The following NAV1 variants were observed in gnomAD, a reference collection of about 807,000 sequenced individuals.
NAV1 encodes the protein neuron navigator 1.
In NAV1, 18 loss-of-function variants were observed where a neutral mutation model predicts 175.2. The ratio of observed to expected loss-of-function variants is 0.10; its 90% CI spans 0.07 to 0.15. The LOEUF is 0.15. NAV1 is among the 10% of genes least tolerant of loss of function. The pLI is 1.00. For missense variants in NAV1, 1,731 were observed against 2,436.6 expected (o/e 0.71, Z 6.10); for synonymous variants, 897 against 978.7 (o/e 0.92, Z 1.56).
At chr1:201,642,547 TTC>T (rs1462290258) in intron 2 of NAV1, among the ~76,000 whole-genome samples, 22 of 110,142 alleles carry the variant, frequency 2.0e-4, no homozygotes, top group African/African-American at 8.7e-4. Context: ...CTTTCTTTCT[TTC>T]TTTCTTTTTT....
chr1:201,557,053 G>A (rs555765534), intron 1 of NAV1, among the ~76,000 whole-genome samples: 1 of 152,130 alleles, frequency 6.6e-6, no homozygotes, highest in Non-Finnish European at 1.5e-5. Context: ...GGAGGGGGCT[G>A]AGATGAAAAT....
intron 13 of NAV1, 154 bp from the exon 18 acceptor site, chr1:201,793,638 C>T (rs1558172501): frequency 1.5e-6 from 1 of 651,744 alleles, no homozygotes; most frequent in South Asian, 2.0e-5. Flanking sequence ...TTTGTCTGCT[C>T]AGGAAAATCA....
chr1:201,561,147 G>A (rs1202949678), intron 1 of NAV1, among the ~76,000 whole-genome samples: 2 of 152,234 alleles, frequency 1.3e-5, no homozygotes, highest in Non-Finnish European at 2.9e-5. Context: ...CTTGCTAGTG[G>A]AGGATGGGAG....
chr1:201,776,006 A>C (rs1675913752), intron 3 of NAV1, among the ~76,000 whole-genome samples: 1 of 152,146 alleles, frequency 6.6e-6, no homozygotes, highest in African/African-American at 2.4e-5. Flanking sequence ...GCAGTGAACT[A>C]TGGTGCATCA....
Position 201,718,898 on chromosome 1 carries a change from C to G in NAV1, c.1226+143C>G. 1 of 1,083,190 alleles carries G rather than the reference C, an allele frequency of 9.2e-7. No homozygotes were observed. The highest frequency in any genetic ancestry group is 1.6e-5 in the South Asian group (1 of 63,070). The allele number at this position is 1,083,190 out of a possible 1,614,324, so 67.1% of individuals were successfully genotyped here. Reference sequence around the variant, plus strand: ...AGTACACAAAAGTGTGCTGTGTACACTTTGTGATTGCCTCTGAAATTCGAT... The same window carrying G: ...AGTACACAAAAGTGTGCTGTGTACAGTTTGTGATTGCCTCTGAAATTCGAT... On this transcript the variant is annotated intron_variant, in intron 3 of 29. Transcript: ENST00000367296. The surrounding 1 kb of genome is among the most constrained non-coding windows in gnomAD (Gnocchi z 4.8).
In NAV1 at chr1:201,808,888, A is replaced by G; in HGVS notation, c.4207+17A>G. 6.2e-7 allele frequency: 1 copy of G among 1,604,998 alleles called. No homozygotes were observed. Among genetic ancestry groups the G allele is most frequent in the Middle Eastern group, 1.7e-4 (1 of 6,012 alleles). ...CAGACACAGGTACCTGTGTGGGAGA[A>G]GAATCTATAAGGGTGAAGGGAAGAA... On this transcript the variant is annotated intron_variant, in intron 20 of 29. Transcript: ENST00000367296. The surrounding 1 kb of genome is among the most constrained non-coding windows in gnomAD (Gnocchi z 5.5).
At chr1:201,726,918 A>G (rs1390241453) in intron 3 of NAV1, among the ~76,000 whole-genome samples, 2 of 152,204 alleles carry the variant, frequency 1.3e-5, no homozygotes, top group Non-Finnish European at 2.9e-5. Context: ...CATACCACAG[A>G]TGGGCAGAGC....
intron 1 of NAV1, among the ~76,000 whole-genome samples, chr1:201,570,581 A>G (rs991185717): frequency 6.6e-6 from 1 of 152,220 alleles, no homozygotes; most frequent in African/African-American, 2.4e-5. Flanking sequence ...CTGGTGTCCC[A>G]CCAGTGAGAA....
upstream of NAV1, among the ~76,000 whole-genome samples, chr1:201,645,154 A>G (rs2102323790): frequency 6.6e-6 from 1 of 152,220 alleles, no homozygotes; most frequent in African/African-American, 2.4e-5. Context: ...ACCAACCTAA[A>G]TGTCCAACAA....
chr1:201,542,372 T>C (rs1485681012), intron 1 of NAV1, among the ~76,000 whole-genome samples: 1 of 152,168 alleles, frequency 6.6e-6, no homozygotes, highest in Non-Finnish European at 1.5e-5. Flanking sequence ...AATGTGGCAA[T>C]ACTTGGCAAA....
intron 2 of NAV1, among the ~76,000 whole-genome samples, chr1:201,596,044 G>C (rs554489071): frequency 2.0e-4 from 31 of 152,352 alleles, no homozygotes; most frequent in Admixed American, 1.6e-3. Flanking sequence ...CCCACGTCTT[G>C]ATTGTGTGAT....
At chr1:201,746,272 A>G (rs1673764228) in intron 3 of NAV1, among the ~76,000 whole-genome samples, 1 of 152,234 alleles carries the variant, frequency 6.6e-6, no homozygotes, top group South Asian at 2.1e-4. Flanking sequence ...TTTGATGATG[A>G]CAAAAAATAG....
At chr1:201,565,433 A>G (rs1666323910) in intron 1 of NAV1, among the ~76,000 whole-genome samples, 1 of 151,950 alleles carries the variant, frequency 6.6e-6, no homozygotes, top group Non-Finnish European at 1.5e-5. Flanking sequence ...GGCAGCTCAC[A>G]CTCCAGGCCG....
intron 9 of NAV1, 32 bp downstream of exon 13, chr1:201,786,609 G>A (rs528399544): frequency 6.3e-7 from 1 of 1,597,684 alleles, no homozygotes; most frequent in East Asian, 2.2e-5. Flanking sequence ...CTGTGGCATG[G>A]GGTGAAGCAG....
intron 1 of NAV1, among the ~76,000 whole-genome samples, chr1:201,667,722 C>G (rs909445926): frequency 6.6e-6 from 1 of 152,242 alleles, no homozygotes; most frequent in African/African-American, 2.4e-5. Context: ...CTCTCCCTCC[C>G]TGTGGCTTTT....
chr1:201,752,232 C>CA (rs1256747950), intron 3 of NAV1, among the ~76,000 whole-genome samples: 1 of 152,196 alleles, frequency 6.6e-6, no homozygotes, highest in Non-Finnish European at 1.5e-5. Flanking sequence ...CAAAGCCCTC[C>CA]AAGGCCGGAT....
chr1:201,708,058 T>C (rs1031706841), intron 1 of NAV1, among the ~76,000 whole-genome samples: 2 of 152,134 alleles, frequency 1.3e-5, no homozygotes, highest in African/African-American at 4.8e-5. Context: ...TGCACCTGTC[T>C]GTCAAGTGTA....
chr1:201,638,400 G>T (rs1259176360), intron 2 of NAV1, among the ~76,000 whole-genome samples: 2 of 152,154 alleles, frequency 1.3e-5, no homozygotes, highest in Non-Finnish European at 2.9e-5. Flanking sequence ...GTCTTAATGT[G>T]ACTGCAGTCC....
intron 3 of NAV1, among the ~76,000 whole-genome samples, chr1:201,738,488 G>A (rs1052381973): frequency 6.6e-6 from 1 of 152,102 alleles, no homozygotes; most frequent in African/African-American, 2.4e-5. Context: ...GGGGCAGAGG[G>A]GCTGTACAGT....
Sources: gnomAD v4.1 joint callset for allele counts (sites outside exome capture counted in the v4.1 genomes callset) on GRCh38, gnomAD v4.1.1 for gene constraint, Gnocchi (gnomAD v3.1) non-coding constraint, MANE v1.5 for transcripts, NCBI Gene and HGNC (gene_info 2026-07-23, HGNC 2026-07-21) for gene names.